Variants in GABRB1 observed in about 807,000 individuals in gnomAD.
GABRB1 encodes gamma-aminobutyric acid receptor subunit beta-1.
GABRB1 carries 17 observed loss-of-function variants against 51.6 expected under a neutral mutation model. The observed-to-expected ratio is 0.33, with a 90% CI of 0.23 to 0.49. GABRB1 has a LOEUF of 0.49. Ranked by LOEUF, GABRB1 falls within the 20% of genes least tolerant of loss-of-function variation. The probability of loss-of-function intolerance (pLI) is 0.99; values close to 1 mark genes in which losing one functional copy is unlikely to be tolerated. For synonymous variants in GABRB1, 247 were observed against 218.9 expected (o/e 1.13, Z -1.14); for missense variants, 410 against 600.6 (o/e 0.68, Z 3.32).
chr4:47,133,265 T>C (rs190227441), intron 3 of GABRB1, among the ~76,000 whole-genome samples: 131 of 152,324 alleles, frequency 8.6e-4, no homozygotes, highest in African/African-American at 3.0e-3. Flanking sequence ...TAGAAACTTC[T>C]GTATGTGACC....
At chr4:47,316,926 C>T (rs181795232) in intron 4 of GABRB1, among the ~76,000 whole-genome samples, 3 of 151,916 alleles carry the variant, frequency 2.0e-5, no homozygotes, top group Non-Finnish European at 2.9e-5. Context: ...ATAATCCCTG[C>T]TTTTATATGT....
intron 3 of GABRB1, among the ~76,000 whole-genome samples, chr4:47,075,636 TC>T (rs1337947387): frequency 1.2e-4 from 19 of 152,306 alleles, no homozygotes; most frequent in African/African-American, 4.6e-4. Context: ...ACAAGGGAGC[TC>T]ATCCTTGTTC....
intron 5 of GABRB1, among the ~76,000 whole-genome samples, chr4:47,366,852 T>C (rs1479270833): frequency 2.0e-5 from 3 of 152,218 alleles, no homozygotes; most frequent in Admixed American, 2.0e-4. Flanking sequence ...CTTACCTGAT[T>C]TCATGTGCTA....
chr4:47,039,412 T>C (rs1725736555), intron 3 of GABRB1, among the ~76,000 whole-genome samples: 1 of 150,198 alleles, frequency 6.7e-6, no homozygotes, highest in Admixed American at 6.7e-5. Context: ...CTTGTAGAGC[T>C]TATAGTCTTT....
At chr4:47,382,442 G>C in intron 5 of GABRB1, among the ~76,000 whole-genome samples, 1 of 152,130 alleles carries the variant, frequency 6.6e-6, no homozygotes, top group East Asian at 1.9e-4. Flanking sequence ...CTATGTACTT[G>C]GAAGCATTCT....
At chr4:47,083,462 C>T (rs1403518142) in intron 3 of GABRB1, among the ~76,000 whole-genome samples, 1 of 152,084 alleles carries the variant, frequency 6.6e-6, no homozygotes, top group Non-Finnish European at 1.5e-5. Flanking sequence ...AATATATGTT[C>T]TTATAAAGCC....
At chr4:47,275,717 T>C (rs1248160588) in intron 4 of GABRB1, among the ~76,000 whole-genome samples, 1 of 152,166 alleles carries the variant, frequency 6.6e-6, no homozygotes, top group Non-Finnish European at 1.5e-5. Context: ...CAGCCATTCA[T>C]TTTTGTTGTG....
intron 3 of GABRB1, among the ~76,000 whole-genome samples, chr4:47,107,610 A>C (rs2109620021): frequency 6.6e-6 from 1 of 152,224 alleles, no homozygotes. Context: ...GGAGCCAATA[A>C]TATCAACTCC....
intron 4 of GABRB1, among the ~76,000 whole-genome samples, chr4:47,274,431 G>T (rs1237113393): frequency 2.0e-5 from 3 of 152,038 alleles, no homozygotes; most frequent in African/African-American, 4.8e-5. Context: ...AATTATTTTA[G>T]ACCTTTTACT....
chr4:47,422,784 ACT>A (rs1328714303), intron 8 of GABRB1, among the ~76,000 whole-genome samples: 2 of 151,800 alleles, frequency 1.3e-5, no homozygotes, highest in Non-Finnish European at 2.9e-5. Context: ...AAAATAACAA[ACT>A]CTTTTTTTCC....
intron 5 of GABRB1, among the ~76,000 whole-genome samples, chr4:47,341,536 C>A (rs904181980): frequency 6.6e-6 from 1 of 152,118 alleles, no homozygotes; most frequent in Non-Finnish European, 1.5e-5. Context: ...AGTTAATGAA[C>A]AATGGTGGTC....
intron 4 of GABRB1, among the ~76,000 whole-genome samples, chr4:47,204,221 T>A (rs1317715495): frequency 6.6e-6 from 1 of 152,180 alleles, no homozygotes; most frequent in Non-Finnish European, 1.5e-5. Context: ...GGTGCATGTG[T>A]GCTCTGGCAT....
chr4:47,403,179 A>G (rs1456470998), intron 5 of GABRB1, 139 bp from the exon 6 acceptor site: 3 of 803,772 alleles, frequency 3.7e-6, no homozygotes, highest in Non-Finnish European at 5.9e-6. Flanking sequence ...AGCACTCCAC[A>G]TGAGACCTGC....
At chr4:47,385,806 G>A (rs1057008704) in intron 5 of GABRB1, among the ~76,000 whole-genome samples, 1 of 152,088 alleles carries the variant, frequency 6.6e-6, no homozygotes, top group Non-Finnish European at 1.5e-5. Context: ...TTCAAATCAG[G>A]GGCTCCCACA....
intron 4 of GABRB1, among the ~76,000 whole-genome samples, chr4:47,276,900 G>T (rs1183597463): frequency 6.6e-6 from 1 of 152,046 alleles, no homozygotes; most frequent in East Asian, 1.9e-4. Flanking sequence ...GTGGAGTGGG[G>T]TGGAGGTAAG....
chr4:47,157,067 C>T (rs1717740379), intron 3 of GABRB1, among the ~76,000 whole-genome samples: 2 of 152,090 alleles, frequency 1.3e-5, no homozygotes, highest in African/African-American at 4.8e-5. Context: ...GAGTCAAATT[C>T]TGTCATGCCT....
At chr4:47,206,718 A>G (rs2109804524) in intron 4 of GABRB1, among the ~76,000 whole-genome samples, 1 of 152,028 alleles carries the variant, frequency 6.6e-6, no homozygotes. Flanking sequence ...TATGATCCAC[A>G]CAGTCTAACT....
intron 5 of GABRB1, among the ~76,000 whole-genome samples, chr4:47,372,135 A>T (rs1727218383): frequency 6.6e-6 from 1 of 152,192 alleles, no homozygotes; most frequent in Non-Finnish European, 1.5e-5. Flanking sequence ...AAAGGGATCC[A>T]GTTTGAATTT....
chr4:46,995,231 A>C (rs1277536124), intron 1 of GABRB1, among the ~76,000 whole-genome samples: 1 of 152,218 alleles, frequency 6.6e-6, no homozygotes, highest in Non-Finnish European at 1.5e-5. Context: ...CCATCTTATA[A>C]ATGTGGATGA....
Sources: allele counts gnomAD v4.1 joint callset (sites outside exome capture counted in the v4.1 genomes callset), GRCh38; gene constraint gnomAD v4.1.1; transcripts MANE v1.5; gene names NCBI Gene and HGNC (gene_info 2026-07-23, HGNC 2026-07-21).